Variants in RP1 observed in about 807,000 individuals in gnomAD.
The protein encoded by RP1 is oxygen-regulated protein 1.
RP1 carries 16 observed loss-of-function variants against 14.8 expected under a neutral mutation model. That is an observed-to-expected ratio of 1.08 (90% confidence interval 0.73 to 1.65). The LOEUF (loss-of-function observed/expected upper bound fraction) is 1.65, where lower values mean the gene tolerates loss of function less well. Ranked by LOEUF, RP1 falls within the 40% of genes most tolerant of loss-of-function variation. The pLI is 0.00. For synonymous variants in RP1, 876 were observed against 883.6 expected, an observed-to-expected ratio of 0.99 and a Z score of 0.15; for missense variants, 2,631 against 2,535.0, an observed-to-expected ratio of 1.04 and a Z score of -0.81.
At chr8:54,674,035 T>A in intron 8 of RP1, 1 of 821,978 alleles carries the variant, frequency 1.2e-6, no homozygotes, top group Middle Eastern at 2.3e-4. Context: ...AAAATGGATC[T>A]CTATGTATTG....
At chr8:54,696,962 A>C in intron 12 of RP1, 1 of 1,247,934 alleles carries the variant, frequency 8.0e-7, no homozygotes, top group Non-Finnish European at 1.2e-6. Context: ...GGAAGACCTC[A>C]TTCATGAAAT....
chr8:54,780,932 G>A (rs1190947627), intron 23 of RP1: 1 of 984,994 alleles, frequency 1.0e-6, no homozygotes, highest in Non-Finnish European at 1.2e-6. Context: ...ACTTCTCATT[G>A]TAAATATGGA....
intron 24 of RP1, among the ~76,000 whole-genome samples, chr8:54,827,706 TGGCCAACAC>T (rs1811416211): frequency 6.6e-6 from 1 of 152,108 alleles, no homozygotes; most frequent in Admixed American, 6.5e-5. Flanking sequence ...CAGACCAGCC[TGGCCAACAC>T]GGTGAAACCC....
intron 12 of RP1, among the ~76,000 whole-genome samples, chr8:54,698,363 C>G (rs1468408760): frequency 6.6e-6 from 1 of 152,060 alleles, no homozygotes; most frequent in African/African-American, 2.4e-5. Flanking sequence ...GTTAGAATGA[C>G]GATCATTAAA....
intron 19 of RP1, among the ~76,000 whole-genome samples, chr8:54,751,939 T>C (rs1041998176): frequency 2.0e-5 from 3 of 152,166 alleles, no homozygotes; most frequent in African/African-American, 7.2e-5. Context: ...AGTGAGGCTC[T>C]CTTATCAGTG....
At chr8:54,812,037 CTA>C (rs1264280469) in intron 24 of RP1, among the ~76,000 whole-genome samples, 2 of 152,218 alleles carry the variant, frequency 1.3e-5, no homozygotes, top group African/African-American at 4.8e-5. Flanking sequence ...TAAAACTAGT[CTA>C]TAAATTACAG....
rs139057363 is a variant in RP1 at position 54,806,930 on chromosome 8, T to C, written c.3615+23220T>C. 4.2e-3 allele frequency among the ~76,000 whole-genome samples: 643 copies of C among 152,308 alleles called. 8 individuals are homozygous for C. Among genetic ancestry groups the C allele is most frequent in the African/African-American group, 0.015 (620 of 41,560 alleles). On this transcript the variant is annotated intron_variant, in intron 24 of 28. Coordinates refer to the RP1 transcript ENST00000637698. ...GAGAGTGCATCAGTTTAAGTCACGTTTCTCTTTAAAGTCTTATTTGCCAAA... is the reference window on the plus strand; with the variant it reads ...GAGAGTGCATCAGTTTAAGTCACGTCTCTCTTTAAAGTCTTATTTGCCAAA...
chr8:54,625,335 T>C lies in RP1; in HGVS notation c.1453T>C (p.Tyr485His). 6.2e-7 allele frequency: 1 copy of C among 1,614,178 alleles called. No homozygotes were observed. Among genetic ancestry groups the C allele is most frequent in the Non-Finnish European group, 8.5e-7 (1 of 1,180,036 alleles). The change falls in exon 4 of 4, where the codon TAT (tyrosine) becomes CAT (histidine). Residue 485 changes from tyrosine (Y) to histidine (H), a missense_variant. Transcript: ENST00000220676. ...VQEKMIGQFS[Y>H]SEERESGENK... Reference sequence around the variant, plus strand: ...AGAGAAAATGATTGGACAGTTTTCATATAGTGAAGAAAGGGAAAGTGGGGA... The same window carrying C: ...AGAGAAAATGATTGGACAGTTTTCACATAGTGAAGAAAGGGAAAGTGGGGA...
At chr8:54,651,720 G>A (rs1806658147) in intron 4 of RP1, among the ~76,000 whole-genome samples, 1 of 151,830 alleles carries the variant, frequency 6.6e-6, no homozygotes, top group Non-Finnish European at 1.5e-5. Flanking sequence ...TTATTTTGTT[G>A]TTTTTATATT....
chr8:54,813,973 C>T (rs1791553548), intron 24 of RP1, among the ~76,000 whole-genome samples: 1 of 152,132 alleles, frequency 6.6e-6, no homozygotes, highest in Admixed American at 6.5e-5. Context: ...AATGATATAA[C>T]CTCTCTGAAT....
chr8:54,823,707 A>G (rs1405459221), intron 24 of RP1, among the ~76,000 whole-genome samples: 3 of 152,158 alleles, frequency 2.0e-5, no homozygotes, highest in Admixed American at 6.5e-5. Flanking sequence ...TACCTATTGA[A>G]GGACATTTTG....
intron 24 of RP1, among the ~76,000 whole-genome samples, chr8:54,801,252 C>A (rs1444721270): frequency 6.6e-6 from 1 of 152,284 alleles, no homozygotes; most frequent in Non-Finnish European, 1.5e-5. Context: ...CTGTATTCCA[C>A]TGTTATTTTT....
At chr8:54,569,147 A>G (rs372578319) in intron 1 of RP1, among the ~76,000 whole-genome samples, 1 of 152,230 alleles carries the variant, frequency 6.6e-6, no homozygotes, top group East Asian at 1.9e-4. Flanking sequence ...TGGATGATTA[A>G]GTAATTATAG....
At chr8:54,802,893 A>C (rs1241971748) in intron 24 of RP1, among the ~76,000 whole-genome samples, 1 of 152,184 alleles carries the variant, frequency 6.6e-6, no homozygotes, top group Non-Finnish European at 1.5e-5. Context: ...ATAGCTGTTG[A>C]CTAGTGGACC....
intron 6 of RP1, among the ~76,000 whole-genome samples, chr8:54,662,705 G>C (rs1447102766): frequency 6.6e-6 from 1 of 152,130 alleles, no homozygotes; most frequent in East Asian, 1.9e-4. Context: ...GGTCTCTGGT[G>C]CATTGAATCC....
chr8:54,821,501 T>C (rs1372409484), intron 24 of RP1, among the ~76,000 whole-genome samples: 4 of 152,248 alleles, frequency 2.6e-5, no homozygotes. Context: ...TGCCTTACTC[T>C]ACATAACAGA....
At chr8:54,817,167 T>A (rs562599600) in intron 24 of RP1, among the ~76,000 whole-genome samples, 4 of 152,272 alleles carry the variant, frequency 2.6e-5, no homozygotes, top group South Asian at 4.1e-4. Flanking sequence ...TCCATATGGA[T>A]AGGTGCCCTA....
intron 23 of RP1, among the ~76,000 whole-genome samples, chr8:54,776,016 C>T (rs1039092061): frequency 1.3e-5 from 2 of 151,854 alleles, no homozygotes; most frequent in African/African-American, 4.8e-5. Context: ...TGAAAAGTTC[C>T]AGAAAAAAAC....
At chr8:54,726,229 C>T in intron 16 of RP1, 1 of 1,109,332 alleles carries the variant, frequency 9.0e-7, no homozygotes, top group Non-Finnish European at 1.2e-6. Flanking sequence ...TTTGACTAGG[C>T]ATTGAAATGG....
Sources: gnomAD v4.1 joint callset for allele counts (sites outside exome capture counted in the v4.1 genomes callset) on GRCh38, gnomAD v4.1.1 for gene constraint, MANE v1.5 for transcripts, NCBI Gene and HGNC (gene_info 2026-07-23, HGNC 2026-07-21) for gene names.